SRPRA: variants seen among roughly 807,000 people sequenced by gnomAD.
SRPRA encodes signal recognition particle receptor subunit alpha.
A neutral mutation model predicts 61.1 loss-of-function variants in SRPRA; 30 were observed. The observed-to-expected ratio is 0.49, with a 90% CI of 0.37 to 0.67. The LOEUF is 0.67. Ranked by LOEUF, SRPRA falls within the 30% of genes least tolerant of loss-of-function variation. The pLI is 0.00. For synonymous variants in SRPRA, 324 were observed against 299.7 expected (o/e 1.08, Z -0.84); for missense variants, 759 against 828.4 (o/e 0.92, Z 1.03).
rs374428828 is a variant in SRPRA at position 126,267,036 on chromosome 11, C to A, written c.527-114G>T. ...AATTTGGACCAAACATCTTGGAGTT[C>A]ATAAGGCCTGGGGATTATAGGATGG... On this transcript the variant is annotated intron_variant, in intron 4 of 13. Coordinates refer to ENST00000332118, the MANE Select transcript of SRPRA (RefSeq NM_003139.4). This position sits in a 1 kb window ranked among gnomAD's most constrained non-coding sequence, Gnocchi z 4.2. 1 of 1,525,730 alleles carries A rather than the reference C, an allele frequency of 6.6e-7. No homozygotes were observed. The highest frequency in any genetic ancestry group is 8.8e-7 in the Non-Finnish European group (1 of 1,134,664). 94.5% of individuals were successfully genotyped at this position (1,525,730 alleles called of 1,614,324 possible). A position where few individuals can be genotyped will look rare whatever the true frequency, so the allele number is the denominator to read the frequency against.
In SRPRA at chr11:126,265,569, A is replaced by G; in HGVS notation, c.1139-129T>C. 1 of 1,232,722 alleles carries G rather than the reference A, an allele frequency of 8.1e-7. No homozygotes were observed. The highest frequency in any genetic ancestry group is 1.1e-6 in the Non-Finnish European group (1 of 881,344). The allele number at this position is 1,232,722 out of a possible 1,614,324, so 76.4% of individuals were successfully genotyped here. ...CTCTTGTCCCAGAAATCCAGAACAG[A>G]CGCACATTACAAGGACTAACTCACT... On this transcript the variant is annotated intron_variant, in intron 9 of 13. Transcript: ENST00000332118. The surrounding 1 kb of genome is among the most constrained non-coding windows in gnomAD (Gnocchi z 6.3).
At chr11:126,237,711 G>A in the SRPRA span, among the ~76,000 whole-genome samples, 4 of 146,294 alleles carry the variant, frequency 2.7e-5, no homozygotes, top group Non-Finnish European at 6.0e-5. Flanking sequence ...AAAAAAATTA[G>A]CGGGGCGTGG....
chr11:126,240,048 A>G, the SRPRA span, among the ~76,000 whole-genome samples: 1 of 152,182 alleles, frequency 6.6e-6, no homozygotes, highest in East Asian at 1.9e-4. Context: ...GAAGGAACAT[A>G]TTTCAAGCAG....
At position 126,263,211 on chromosome 11, in the gene SRPRA, C is replaced by T. The variant is rs894133873; in HGVS notation, c.*705G>A. ...GTTTCCTCCCAGGAAGGGGAACATG[C>T]AGAGCTTACTTCTGGATTCTGGGAG... On this transcript the variant is annotated 3_prime_UTR_variant, in exon 14 of 14. Coordinates refer to ENST00000332118, the MANE Select transcript of SRPRA (RefSeq NM_003139.4). The T allele has an allele frequency of 1.3e-5, 2 of 152,342 alleles. No individual in the cohort carries two copies. Among genetic ancestry groups the T allele is most frequent in the African/African-American group, 4.8e-5 (2 of 41,450 alleles). 9.4% of individuals were successfully genotyped at this position (152,342 alleles called of 1,614,324 possible).
the SRPRA span, among the ~76,000 whole-genome samples, chr11:126,246,586 C>T: frequency 6.6e-6 from 1 of 152,012 alleles, no homozygotes; most frequent in African/African-American, 2.4e-5. Context: ...GGGCGGGAGG[C>T]GGTGGGGGAA....
the SRPRA span, among the ~76,000 whole-genome samples, chr11:126,238,819 G>C: frequency 1.3e-5 from 2 of 151,714 alleles, no homozygotes; most frequent in African/African-American, 4.8e-5. Context: ...AAATGTTGTT[G>C]CCCTTTGACC....
Position 126,266,456 on chromosome 11 carries a change from T to G in SRPRA, c.840+20A>C. ...CCCAATTTGTTGTTAAAGATCACTTTGACCCCTGTTACCTCTTACCAGGTT... is the reference window on the plus strand; with the variant it reads ...CCCAATTTGTTGTTAAAGATCACTTGGACCCCTGTTACCTCTTACCAGGTT... On this transcript the variant is annotated intron_variant, in intron 6 of 13. Transcript: ENST00000332118. 6.2e-7 allele frequency: 1 copy of G among 1,610,196 alleles called. No homozygotes were observed. The highest frequency in any genetic ancestry group is 1.1e-5 in the South Asian group (1 of 90,758).
intron 6 of SRPRA, 43 bp from the exon 7 acceptor site, chr11:126,266,321 G>T: frequency 1.2e-6 from 2 of 1,607,222 alleles, no homozygotes; most frequent in Non-Finnish European, 1.7e-6. Flanking sequence ...GAACACTAAG[G>T]TCTCTGAGGA....
At chr11:126,246,613 C>G in the SRPRA span, among the ~76,000 whole-genome samples, 1 of 151,902 alleles carries the variant, frequency 6.6e-6, no homozygotes, top group Non-Finnish European at 1.5e-5. Context: ...TTTTTTCTTT[C>G]TTTTTTTAAA....
At chr11:126,251,534 C>G in the SRPRA span, among the ~76,000 whole-genome samples, 1 of 152,174 alleles carries the variant, frequency 6.6e-6, no homozygotes, top group Non-Finnish European at 1.5e-5. Flanking sequence ...CCCATGAAGA[C>G]TAGTTTTCTC....
chr11:126,249,985 G>A, the SRPRA span, among the ~76,000 whole-genome samples: 6 of 151,828 alleles, frequency 4.0e-5, no homozygotes, highest in Admixed American at 1.3e-4. Flanking sequence ...GGAAGCTTAC[G>A]TATAGTAGCA....
At chr11:126,250,970 T>C in the SRPRA span, among the ~76,000 whole-genome samples, 1 of 152,246 alleles carries the variant, frequency 6.6e-6, no homozygotes, top group Admixed American at 6.5e-5. This position sits in a 1 kb window ranked among gnomAD's most constrained non-coding sequence, Gnocchi z 5.1. Context: ...TCATCCAGTT[T>C]TAAAGCAAGA....
downstream of SRPRA, among the ~76,000 whole-genome samples, chr11:126,258,866 C>T (rs1225499122): frequency 6.6e-6 from 1 of 152,218 alleles, no homozygotes; most frequent in Non-Finnish European, 1.5e-5. Flanking sequence ...TAGACTGTTG[C>T]ATTACATAAC....
In SRPRA at chr11:126,268,055, T is replaced by A. The variant is rs1319254539; in HGVS notation, c.149A>T (p.Glu50Val). The part of the protein sequence containing the change: ...ERGGNNSFTH[E>V]ALTLKYKLDN... Reference sequence around the variant, plus strand: ...CAGTTTATACTTGAGTGTGAGTGCCTCATGGGTGAAGGAGTTGTTACCTCC... The same window carrying A: ...CAGTTTATACTTGAGTGTGAGTGCCACATGGGTGAAGGAGTTGTTACCTCC... The change falls in exon 2 of 14, where the codon GAG becomes GTG. Residue 50 changes from glutamate to valine, a missense_variant. Physicochemically the swap from Glu to Val is moderately radical, Grantham distance 121. Around this residue, in one of 2 missense-constraint regions of SRPRA, gnomAD observed 475 missense variants for 462.5 expected, o/e 1.03. Coordinates refer to ENST00000332118, the MANE Select transcript of SRPRA (RefSeq NM_003139.4). 1.5e-5 allele frequency: 25 copies of A among 1,614,108 alleles called. No homozygotes were observed. The highest frequency in any genetic ancestry group is 2.1e-5 in the Non-Finnish European group (25 of 1,180,016).
Position 126,266,039 on chromosome 11 carries a change from C to T in SRPRA, c.975G>A (p.Lys325=). Residue 325 remains lysine, a synonymous_variant, in exon 8 of 14, where the codon AAG becomes AAA. Coordinates refer to ENST00000332118, the MANE Select transcript of SRPRA (RefSeq NM_003139.4). The part of the protein sequence containing the change: ...GTLGGMFGML[K]GLVGSKSLSR... The stretch of plus-strand genomic sequence containing the variant: ...TCAAGCTCTTTGAACCCACAAGGCC[C>T]TTCAGCATACCAAACATGCCACCCA... 3 of 1,614,210 alleles carry T rather than the reference C, an allele frequency of 1.9e-6. No homozygotes were observed. Among genetic ancestry groups the T allele is most frequent in the Non-Finnish European group, 2.5e-6 (3 of 1,180,040 alleles).
chr11:126,265,183 G>C lies in SRPRA; in HGVS notation c.1312-11C>G, dbSNP rs1374273370. 6.2e-7 allele frequency: 1 copy of C among 1,614,082 alleles called. No homozygotes were observed. The highest frequency in any genetic ancestry group is 1.1e-5 in the South Asian group (1 of 91,068). On this transcript the variant is annotated splice_polypyrimidine_tract_variant and intron_variant, in intron 10 of 13. Coordinates refer to ENST00000332118, the MANE Select transcript of SRPRA (RefSeq NM_003139.4). This position sits in a 1 kb window ranked among gnomAD's most constrained non-coding sequence, Gnocchi z 6.3. Reference sequence around the variant, plus strand: ...CAACCAGAAGGAAATCTGTGAAAAAGACGTAAGAAAAGTCACCTAAAGCCA... The same window carrying C: ...CAACCAGAAGGAAATCTGTGAAAAACACGTAAGAAAAGTCACCTAAAGCCA...
chr11:126,241,003 C>T, the SRPRA span: 1 of 1,613,394 alleles, frequency 6.2e-7, no homozygotes, highest in African/African-American at 1.3e-5. Flanking sequence ...AGACAAGAAC[C>T]TGGTCCATGT....
At chr11:126,250,024 C>A in the SRPRA span, among the ~76,000 whole-genome samples, 4,242 of 151,912 alleles carry the variant, frequency 0.028, 792 homozygotes, top group East Asian at 0.54. This position sits in a 1 kb window ranked among gnomAD's most constrained non-coding sequence, Gnocchi z 5.1. Flanking sequence ...TTGTGCTAAG[C>A]ACTTGGCATG....
the SRPRA span, among the ~76,000 whole-genome samples, chr11:126,253,936 G>A: frequency 5.3e-5 from 8 of 152,186 alleles, no homozygotes; most frequent in East Asian, 1.9e-4. The surrounding 1 kb of genome is among the most constrained non-coding windows in gnomAD (Gnocchi z 5.1). Flanking sequence ...GAGTCACTCC[G>A]AAGAGGGGCC....
Sources: gnomAD v4.1 joint callset for allele counts (sites outside exome capture counted in the v4.1 genomes callset) on GRCh38, gnomAD v4.1.1 for gene constraint, gnomAD v4.1.1 regional missense constraint, Gnocchi (gnomAD v3.1) non-coding constraint, MANE v1.5 for transcripts, NCBI Gene and HGNC (gene_info 2026-07-23, HGNC 2026-07-21) for gene names.